The following CLDN14 variants were observed in gnomAD, a reference collection of about 807,000 sequenced individuals.
CLDN14 encodes the protein claudin 14, also known as claudin-14.
CLDN14 carries 2 observed loss-of-function variants against 2.1 expected under a neutral mutation model. The ratio of observed to expected loss-of-function variants is 0.96; its 90% CI spans 0.39 to 3.01. CLDN14 has a LOEUF of 3.01. CLDN14 is among the 30% of genes most tolerant of loss of function. The pLI is 0.09. For missense variants in CLDN14, 298 were observed against 328.0 expected (o/e 0.91, Z 0.71); for synonymous variants, 136 against 154.4 (o/e 0.88, Z 0.88).
At chr21:36,502,275 A>G (rs1398186291) in intron 2 of CLDN14, among the ~76,000 whole-genome samples, 1 of 152,230 alleles carries the variant, frequency 6.6e-6, no homozygotes, top group Non-Finnish European at 1.5e-5. Context: ...GGTAGGGTCC[A>G]GAAATGAACA....
At chr21:36,486,986 ATTT>A (rs57062881) in intron 2 of CLDN14, 271 of 281,286 alleles carry the variant, frequency 9.6e-4, no homozygotes, top group South Asian at 2.0e-3. Flanking sequence ...ATTTTGTTTA[ATTT>A]TTTTTTTTTT....
intron 1 of CLDN14, among the ~76,000 whole-genome samples, chr21:36,560,970 T>G (rs564586579): frequency 6.6e-6 from 1 of 152,344 alleles, no homozygotes; most frequent in East Asian, 1.9e-4. Context: ...GAGAAATGAA[T>G]TACTGGGAAA....
At chr21:36,508,538 T>A (rs2087154499) in intron 2 of CLDN14, among the ~76,000 whole-genome samples, 1 of 152,200 alleles carries the variant, frequency 6.6e-6, no homozygotes, top group Non-Finnish European at 1.5e-5. Context: ...TGTCATGGCC[T>A]ATCTGACAGA....
rs58458004 is a variant in CLDN14 at position 36,501,332 on chromosome 21, C to CTTTTTTTTTTTTTTTTTTT, written c.-82+9012_-82+9030dup. Among the ~76,000 whole-genome samples, 5 of 48,446 alleles carry CTTTTTTTTTTTTTTTTTTT rather than the reference C, an allele frequency of 1.0e-4. 1 individual carries two copies. The highest frequency in any genetic ancestry group is 1.3e-4 in the Non-Finnish European group (3 of 23,302). The allele number at this position is 48,446 out of a possible 152,430, so 31.8% of individuals were successfully genotyped here. A position where few individuals can be genotyped will look rare whatever the true frequency, so the allele number is the denominator to read the frequency against. ...AATGGGAGTTTCAGTCAATATCTCA[C>CTTTTTTTTTTTTTTTTTTT]TTTTTTTTTTTTTTTTTTTTTTTTT... On this transcript the variant is annotated intron_variant, in intron 2 of 2. Transcript: ENST00000342108.
At chr21:36,539,080 G>A (rs2146508278) in intron 1 of CLDN14, among the ~76,000 whole-genome samples, 2 of 152,372 alleles carry the variant, frequency 1.3e-5, no homozygotes, top group South Asian at 4.1e-4. Context: ...TGGCTGGGAA[G>A]TCTCTGTTGT....
At chr21:36,491,868 A>G (rs2086969030) in intron 2 of CLDN14, among the ~76,000 whole-genome samples, 1 of 152,136 alleles carries the variant, frequency 6.6e-6, no homozygotes, top group South Asian at 2.1e-4. Context: ...CTGGGGTCTC[A>G]CCACTGGAGT....
intron 1 of CLDN14, among the ~76,000 whole-genome samples, chr21:36,535,606 T>C (rs1395154165): frequency 1.3e-5 from 2 of 152,056 alleles, no homozygotes; most frequent in African/African-American, 4.8e-5. Flanking sequence ...CTAAATGACA[T>C]GTATAGTCAT....
chr21:36,566,960 G>A (rs956334415), intron 1 of CLDN14, among the ~76,000 whole-genome samples: 6 of 152,182 alleles, frequency 3.9e-5, no homozygotes, highest in Admixed American at 6.5e-5. Flanking sequence ...TTACAAACTC[G>A]TAAGCTCCTG....
At chr21:36,487,669 G>GT (rs2086911816) in intron 2 of CLDN14, 1 of 152,270 alleles carries the variant, frequency 6.6e-6, no homozygotes, top group African/African-American at 2.4e-5. Flanking sequence ...AGCTTCTTTG[G>GT]TGCTGTCAGA....
Position 36,461,037 on chromosome 21 carries a change from T to C in CLDN14, c.659A>G (p.Asn220Ser), listed in dbSNP as rs1171372501. 2 of 1,613,574 alleles carry C rather than the reference T, an allele frequency of 1.2e-6. No homozygotes were observed. Among genetic ancestry groups the C allele is most frequent in the Admixed American group, 1.7e-5 (1 of 59,996 alleles). Residue 220 changes from asparagine to serine, a missense_variant, in exon 2 of 2, where the codon AAT becomes AGT. By Grantham distance (46) the Asn-to-Ser change is conservative. Transcript: ENST00000399135. ...GGCCGAGGTCACTGAGGGGGCCCGATTGTCTTTGTAGGCAGCTGGTGGCTG... is the reference window on the plus strand; with the variant it reads ...GGCCGAGGTCACTGAGGGGGCCCGACTGTCTTTGTAGGCAGCTGGTGGCTG... ...AYQPPAAYKD[N>S]RAPSVTSATH...
chr21:36,506,557 A>G (rs1009664854), intron 2 of CLDN14, among the ~76,000 whole-genome samples: 2 of 151,208 alleles, frequency 1.3e-5, no homozygotes, highest in African/African-American at 4.9e-5. Flanking sequence ...AGATCGGGCC[A>G]CTTCACTGCA....
At chr21:36,522,512 G>T (rs1334491830) in intron 1 of CLDN14, among the ~76,000 whole-genome samples, 2 of 152,152 alleles carry the variant, frequency 1.3e-5, no homozygotes, top group Non-Finnish European at 2.9e-5. Context: ...TCCCCATTTG[G>T]GGCCTGTTCA....
At chr21:36,557,823 G>A (rs558671159) in intron 1 of CLDN14, among the ~76,000 whole-genome samples, 4 of 152,166 alleles carry the variant, frequency 2.6e-5, no homozygotes, top group Admixed American at 1.3e-4. Flanking sequence ...TTGCTTTTGT[G>A]GCTTACACTT....
chr21:36,548,261 G>A (rs1187926886), intron 1 of CLDN14, among the ~76,000 whole-genome samples: 1 of 151,980 alleles, frequency 6.6e-6, no homozygotes, highest in African/African-American at 2.4e-5. Context: ...AGCTCCTGGA[G>A]AGCTGCATCT....
chr21:36,482,892 A>G (rs2086862268), upstream of CLDN14, among the ~76,000 whole-genome samples: 1 of 152,232 alleles, frequency 6.6e-6, no homozygotes, highest in South Asian at 2.1e-4. Context: ...TGTCCTGAAC[A>G]CAAAGGCAGC....
intron 2 of CLDN14, chr21:36,487,475 G>T: frequency 6.4e-6 from 1 of 155,252 alleles, no homozygotes. Flanking sequence ...GGTTAATAGT[G>T]CCTCATAGTC....
In CLDN14 at chr21:36,560,053, T is replaced by C. The variant is rs2087623092; in HGVS notation, c.-220+16358A>G. ...GTCACAAGTGTTTGACTTAGAAATG[T>C]ACATAGTGTAGCAAATTTTTAAAGT... On this transcript the variant is annotated intron_variant, in intron 1 of 2. Transcript: ENST00000342108. Among the ~76,000 whole-genome samples, 3 of 152,352 alleles carry C rather than the reference T, an allele frequency of 2.0e-5. 1 individual carries two copies. Among genetic ancestry groups the C allele is most frequent in the Middle Eastern group, 6.8e-3 (2 of 294 alleles).
chr21:36,543,056 C>A (rs552928440), intron 1 of CLDN14, among the ~76,000 whole-genome samples: 1 of 152,166 alleles, frequency 6.6e-6, no homozygotes, highest in East Asian at 1.9e-4. Context: ...TCCACCTGGC[C>A]GGAGGTGGGT....
chr21:36,548,007 C>G (rs1487221642), intron 1 of CLDN14, among the ~76,000 whole-genome samples: 1 of 152,056 alleles, frequency 6.6e-6, no homozygotes, highest in Non-Finnish European at 1.5e-5. Context: ...TGACCTTGGT[C>G]CCCCTCTTTC....
Sources: allele counts gnomAD v4.1 joint callset (sites outside exome capture counted in the v4.1 genomes callset), GRCh38; gene constraint gnomAD v4.1.1; transcripts MANE v1.5; gene names NCBI Gene and HGNC (gene_info 2026-07-23, HGNC 2026-07-21).